The following NOS1 variants were observed in gnomAD, a reference collection of about 807,000 sequenced individuals.
The protein encoded by NOS1 is nitric oxide synthase 1, also known as NOS type I.
NOS1 carries 51 observed loss-of-function variants against 164.5 expected under a neutral mutation model. That is an observed-to-expected ratio of 0.31 (90% CI 0.25 to 0.39). NOS1 has a LOEUF of 0.39. Among genes scored for constraint, NOS1 ranks in the 10% least tolerant of loss-of-function variants. NOS1 has a pLI of 1.00. For synonymous variants in NOS1, 719 were observed against 745.8 expected (o/e 0.96, Z 0.59); for missense variants, 1,362 against 1,885.6 (o/e 0.72, Z 5.14).
At chr12:117,258,305 T>A in intron 16 of NOS1, 92 bp downstream of exon 16, 1 of 1,256,994 alleles carries the variant, frequency 8.0e-7, no homozygotes, top group Non-Finnish European at 1.2e-6. Flanking sequence ...ACAGCCACCA[T>A]CCAGAACTCA....
intron 3 of NOS1, among the ~76,000 whole-genome samples, chr12:117,305,220 T>C (rs1874072471): frequency 6.6e-6 from 1 of 152,124 alleles, no homozygotes; most frequent in Admixed American, 6.5e-5. Context: ...CTCAGCACTT[T>C]GGGAGGCCGA....
chr12:117,299,694 CT>C (rs1873685415), intron 3 of NOS1, among the ~76,000 whole-genome samples: 2 of 151,000 alleles, frequency 1.3e-5, no homozygotes, highest in African/African-American at 4.9e-5. Flanking sequence ...CTCTCTCTCT[CT>C]CTCTCTCTTC....
chr12:117,232,115 C>T lies in NOS1; in HGVS notation c.3252G>A (p.Trp1084Ter). The change falls in exon 22 of 29, where the codon TGG becomes TGA. Residue 1084 changes from tryptophan to a stop codon, truncating the protein, a stop_gained. Coordinates refer to ENST00000317775, the MANE Select transcript of NOS1 (RefSeq NM_000620.5). LOFTEE classifies it high-confidence loss of function. ...AGGGCGGGAGGCGGAGCTCGTCTGT[C>T]CAGTTACTGATGACACCTGTGGAGG... ...RNTALGVISN[W>*]TDELRLPPCT... is the part of the protein sequence containing the mutation. 6.2e-7 allele frequency: 1 copy of T among 1,611,828 alleles called. No homozygotes were observed. The highest frequency in any genetic ancestry group is 1.3e-5 in the African/African-American group (1 of 74,932).
intron 21 of NOS1, 92 bp from the exon 22 acceptor site, chr12:117,232,223 C>T: frequency 8.3e-7 from 1 of 1,209,050 alleles, no homozygotes; most frequent in Non-Finnish European, 1.2e-6. Flanking sequence ...GAGGATGGGG[C>T]CAGGAGAGGA....
chr12:117,337,104 C>CTATT (rs1566082153), intron 1 of NOS1, among the ~76,000 whole-genome samples: 7 of 94,072 alleles, frequency 7.4e-5, no homozygotes, highest in African/African-American at 7.8e-5. Context: ...CTGCTTTTTA[C>CTATT]TCTTTTTTTT....
intron 1 of NOS1, among the ~76,000 whole-genome samples, chr12:117,359,053 T>C (rs1251058726): frequency 6.6e-6 from 1 of 152,214 alleles, no homozygotes; most frequent in Non-Finnish European, 1.5e-5. Context: ...AGCTGCAAAA[T>C]GGAATTCAGA....
chr12:117,223,167 GC>G (rs1868366041), intron 25 of NOS1, among the ~76,000 whole-genome samples: 1 of 152,006 alleles, frequency 6.6e-6, no homozygotes, highest in African/African-American at 2.4e-5. Flanking sequence ...CTACTTAGGA[GC>G]CCCCACCTGA....
chr12:117,307,104 C>A (rs759456396), intron 3 of NOS1, among the ~76,000 whole-genome samples: 19 of 152,218 alleles, frequency 1.2e-4, no homozygotes, highest in Non-Finnish European at 2.5e-4. Context: ...AATGACCAGT[C>A]TGCCATTGCT....
chr12:117,237,483 A>T (rs555618540), intron 20 of NOS1, among the ~76,000 whole-genome samples: 1 of 152,168 alleles, frequency 6.6e-6, no homozygotes, highest in African/African-American at 2.4e-5. Flanking sequence ...TATGAGAAGT[A>T]CAGGGAGAAG....
intron 27 of NOS1, among the ~76,000 whole-genome samples, chr12:117,218,588 G>A (rs1251507834): frequency 6.6e-6 from 1 of 152,090 alleles, no homozygotes; most frequent in Non-Finnish European, 1.5e-5. Flanking sequence ...GGGGAGGAAG[G>A]AACAAGTGGC....
intron 8 of NOS1, among the ~76,000 whole-genome samples, chr12:117,278,397 G>A (rs772376213): frequency 2.8e-4 from 42 of 152,196 alleles, no homozygotes; most frequent in Non-Finnish European, 4.8e-4. Context: ...CAGGACAGAG[G>A]GCAAACCCTT....
chr12:117,336,111 C>T (rs1252820842), intron 1 of NOS1, among the ~76,000 whole-genome samples: 2 of 152,162 alleles, frequency 1.3e-5, no homozygotes, highest in Non-Finnish European at 2.9e-5. Context: ...TGGTCAATCA[C>T]AGTCCTGAAA....
Position 117,356,891 on chromosome 12 carries a change from G to A in NOS1, c.-421+4621C>T, listed in dbSNP as rs186986250. On this transcript the variant is annotated intron_variant, in intron 1 of 28. Coordinates refer to ENST00000317775, the MANE Select transcript of NOS1 (RefSeq NM_000620.5). The surrounding 1 kb of genome is among the most constrained non-coding windows in gnomAD (Gnocchi z 4.2). ...TGAGCAACATAAACACACTTGCAAA[G>A]GCTGAGTGGAAGGCCGATGGGCTGT... 7.3e-3 allele frequency among the ~76,000 whole-genome samples: 1,118 copies of A among 152,350 alleles called. 10 individuals are homozygous for A. Among genetic ancestry groups the A allele is most frequent in the Non-Finnish European group, 0.012 (837 of 68,038 alleles).
intron 1 of NOS1, among the ~76,000 whole-genome samples, chr12:117,342,542 G>A (rs1876162136): frequency 1.3e-5 from 2 of 152,114 alleles, no homozygotes; most frequent in Non-Finnish European, 2.9e-5. Context: ...GTGGTAGGAT[G>A]GAGCTGGCAT....
chr12:117,278,155 C>T lies in NOS1; in HGVS notation c.1525-57G>A, dbSNP rs931552799. On this transcript the variant is annotated intron_variant, in intron 8 of 28. Coordinates refer to ENST00000317775, the MANE Select transcript of NOS1 (RefSeq NM_000620.5). ...GTACCCCACACCCTACAAACACAAC[C>T]CTTATGTGGGAAGCGGGGGTGGGGT... 6 of 1,533,176 alleles carry T rather than the reference C, an allele frequency of 3.9e-6. No individual in the cohort carries two copies. In the African/African-American group the frequency reaches 8.2e-5, roughly 21 times the overall value. The allele number at this position is 1,533,176 out of a possible 1,614,324, so 95.0% of individuals were successfully genotyped here.
Position 117,214,504 on chromosome 12 carries a change from A to G in NOS1, c.*805T>C. 1.0e-6 allele frequency: 1 copy of G among 985,394 alleles called. No homozygotes were observed. Among genetic ancestry groups the G allele is most frequent in the Non-Finnish European group, 1.2e-6 (1 of 829,936 alleles). The allele number at this position is 985,394 out of a possible 1,614,324, so 61.0% of individuals were successfully genotyped here. ...TTTGGGGAGGGGATTTGCACAATCC[A>G]TTGGATGGGTTCATGTCACATGAGG... On this transcript the variant is annotated 3_prime_UTR_variant, in exon 29 of 29. Transcript: ENST00000317775.
At chr12:117,232,851 A>ATTTATT (rs1555249309) in intron 21 of NOS1, among the ~76,000 whole-genome samples, 2 of 151,760 alleles carry the variant, frequency 1.3e-5, no homozygotes, top group African/African-American at 2.4e-5. Context: ...TCTGGGTTGG[A>ATTTATT]TTTATTTTTA....
At chr12:117,302,581 C>G (rs775728658) in intron 3 of NOS1, among the ~76,000 whole-genome samples, 10 of 118,096 alleles carry the variant, frequency 8.5e-5, no homozygotes, top group Non-Finnish European at 1.6e-4. Context: ...GGTGAAAGAG[C>G]GAGACTCCGT....
At chr12:117,250,913 A>G (rs1000374457) in intron 17 of NOS1, among the ~76,000 whole-genome samples, 2 of 152,190 alleles carry the variant, frequency 1.3e-5, no homozygotes, top group African/African-American at 4.8e-5. Flanking sequence ...TGACACTGTC[A>G]ATCACTCATT....
Sources: allele counts gnomAD v4.1 joint callset (sites outside exome capture counted in the v4.1 genomes callset), GRCh38; gene constraint gnomAD v4.1.1; non-coding constraint Gnocchi (gnomAD v3.1); transcripts MANE v1.5; gene names NCBI Gene and HGNC (gene_info 2026-07-23, HGNC 2026-07-21).